The following LOXL2 variants were observed in gnomAD, a reference collection of about 807,000 sequenced individuals.
LOXL2 encodes the protein lysyl oxidase homolog 2.
LOXL2 carries 70 observed loss-of-function variants against 93.0 expected under a neutral mutation model. That is an observed-to-expected ratio of 0.75 (90% CI 0.62 to 0.92). LOXL2 has a LOEUF of 0.92. Among genes scored for constraint, LOXL2 ranks in the 40% least tolerant of loss-of-function variants. The pLI is 0.00. For synonymous variants in LOXL2, 438 were observed against 413.2 expected (o/e 1.06, Z -0.73); for missense variants, 973 against 1,054.9 (o/e 0.92, Z 1.08).
At chr8:23,379,359 T>C (rs1804640366) in intron 1 of LOXL2, among the ~76,000 whole-genome samples, 1 of 152,172 alleles carries the variant, frequency 6.6e-6, no homozygotes, top group Non-Finnish European at 1.5e-5. Flanking sequence ...GGGGGGTGCC[T>C]CCCAGTTAGG....
rs766716328 is a variant in LOXL2, at chr8:23,333,584, G to A, written c.783C>T (p.Phe261=). 1 of 1,613,802 alleles carries A rather than the reference G, an allele frequency of 6.2e-7. No individual in the cohort carries two copies. Among genetic ancestry groups the A allele is most frequent in the South Asian group, 1.1e-5 (1 of 91,084 alleles). ...ASRRKQRYWP[F]SMDCTGTEAH... ...CCTCTGTGCCGGTGCAGTCCATGGA[G>A]AATGGCCAGTAGCGCTGCTTCCTCC... Residue 261 remains phenylalanine, a synonymous_variant, in exon 5 of 14, where the codon TTC becomes TTT. Transcript: ENST00000389131.
At chr8:23,400,307 A>G (rs984913394) in intron 1 of LOXL2, among the ~76,000 whole-genome samples, 2 of 152,210 alleles carry the variant, frequency 1.3e-5, no homozygotes, top group Non-Finnish European at 2.9e-5. Flanking sequence ...GGGAGGCCTC[A>G]CAATCATGGC....
Position 23,320,001 on chromosome 8 carries a change from C to T in LOXL2, c.1354G>A (p.Val452Met), listed in dbSNP as rs1050426761. ...NPYEGRVEVL[V>M]ERNGSLVWGM... is the part of the protein sequence containing the mutation. ...CACACAAGGGACCCGTTTCTCTCCA[C>T]CAGCACCTCCACTCGGCCCTCGTAG... Residue 452 changes from valine (V) to methionine (M), a missense_variant, in exon 8 of 14, where the codon GTG becomes ATG. Transcript: ENST00000389131. 1 of 1,614,128 alleles carries T rather than the reference C, an allele frequency of 6.2e-7. No homozygotes were observed. Among genetic ancestry groups the T allele is most frequent in the African/African-American group, 1.3e-5 (1 of 75,058 alleles).
At chr8:23,300,686 T>C (rs1031623457) in intron 12 of LOXL2, among the ~76,000 whole-genome samples, 7 of 152,238 alleles carry the variant, frequency 4.6e-5, no homozygotes, top group Admixed American at 6.5e-5. Flanking sequence ...AGAGTTGATA[T>C]GTCTGGGGTT....
chr8:23,327,180 C>T (rs1392489586), intron 6 of LOXL2, among the ~76,000 whole-genome samples: 1 of 152,200 alleles, frequency 6.6e-6, no homozygotes, highest in Non-Finnish European at 1.5e-5. Flanking sequence ...CCACTGCAGG[C>T]TAGGGCATGG....
chr8:23,327,897 CT>C (rs1265499545), intron 6 of LOXL2, among the ~76,000 whole-genome samples: 1 of 152,300 alleles, frequency 6.6e-6, no homozygotes, highest in Non-Finnish European at 1.5e-5. Context: ...CGGAGGGCGG[CT>C]TCTTGTTCCC....
At chr8:23,324,788 G>C (rs1418773546) in intron 6 of LOXL2, among the ~76,000 whole-genome samples, 1 of 152,224 alleles carries the variant, frequency 6.6e-6, no homozygotes, top group African/African-American at 2.4e-5. Flanking sequence ...TGAGTGGGCT[G>C]AACTGTCAAC....
At chr8:23,392,062 C>G (rs1034824287) in intron 1 of LOXL2, among the ~76,000 whole-genome samples, 14 of 152,214 alleles carry the variant, frequency 9.2e-5, no homozygotes, top group African/African-American at 3.4e-4. Context: ...CAGAAGCTGC[C>G]AGGCCAAGCT....
chr8:23,383,281 G>T (rs1350122002), intron 1 of LOXL2, among the ~76,000 whole-genome samples: 1 of 152,064 alleles, frequency 6.6e-6, no homozygotes, highest in African/African-American at 2.4e-5. Context: ...GCTATATTAA[G>T]AGCCTCAATT....
At chr8:23,340,747 G>T (rs1056369351) in intron 4 of LOXL2, among the ~76,000 whole-genome samples, 1 of 152,182 alleles carries the variant, frequency 6.6e-6, no homozygotes, top group African/African-American at 2.4e-5. Flanking sequence ...CTTCCCACAA[G>T]CTACTCTAGG....
At chr8:23,401,281 C>G (rs1343094231) in intron 1 of LOXL2, among the ~76,000 whole-genome samples, 1 of 152,164 alleles carries the variant, frequency 6.6e-6, no homozygotes, top group Admixed American at 6.5e-5. Context: ...AGGAATGTAA[C>G]AAGTTACACA....
rs926936286 is a variant in LOXL2, at chr8:23,301,893, C to G, written c.2133+134G>C. On this transcript the variant is annotated intron_variant, in intron 12 of 13. Coordinates refer to ENST00000389131, the MANE Select transcript of LOXL2 (RefSeq NM_002318.3). ...GGGTTAACTGATGGACCGTGATGGC[C>G]TCTGGGGGTAGCACCTTGCCCTTTA... 9.1e-6 allele frequency: 10 copies of G among 1,101,014 alleles called. No individual in the cohort carries two copies. In the Admixed American group the frequency reaches 2.2e-4, roughly 24 times the overall value. 68.2% of individuals were successfully genotyped at this position (1,101,014 alleles called of 1,614,324 possible). A position where few individuals can be genotyped will look rare whatever the true frequency, so the allele number is the denominator to read the frequency against.
chr8:23,312,862 C>T (rs1331410585), intron 9 of LOXL2, among the ~76,000 whole-genome samples: 19 of 78,072 alleles, frequency 2.4e-4, no homozygotes, highest in African/African-American at 3.5e-4. Flanking sequence ...GTCAAATTGT[C>T]CCTGTTTGCA....
rs1197093065 is a variant in LOXL2, at chr8:23,317,124, C to T, written c.1471-10G>A. On this transcript the variant is annotated splice_polypyrimidine_tract_variant and intron_variant, in intron 8 of 13. Coordinates refer to ENST00000389131, the MANE Select transcript of LOXL2 (RefSeq NM_002318.3). Reference sequence around the variant, plus strand: ...GCCAATACCAGGTCTCCTGGAAGAACCAACAAAACAAATGGTGGGTACATC... The same window carrying T: ...GCCAATACCAGGTCTCCTGGAAGAATCAACAAAACAAATGGTGGGTACATC... The T allele has an allele frequency of 5.6e-6, 9 of 1,613,520 alleles. No homozygotes were observed. Among genetic ancestry groups the T allele is most frequent in the Non-Finnish European group, 7.6e-6 (9 of 1,179,820 alleles).
chr8:23,347,702 C>T (rs1379111835), intron 3 of LOXL2, among the ~76,000 whole-genome samples: 2 of 152,014 alleles, frequency 1.3e-5, no homozygotes, highest in Non-Finnish European at 2.9e-5. Flanking sequence ...GGTGTGGTGG[C>T]TCACATCTAT....
At chr8:23,403,375 C>G (rs565245523) in intron 1 of LOXL2, among the ~76,000 whole-genome samples, 1 of 152,292 alleles carries the variant, frequency 6.6e-6, no homozygotes, top group East Asian at 1.9e-4. Flanking sequence ...ACGGCGCTCC[C>G]GCGCTCCCAA....
At chr8:23,344,292 C>A (rs1182305590) in intron 3 of LOXL2, among the ~76,000 whole-genome samples, 1 of 152,132 alleles carries the variant, frequency 6.6e-6, no homozygotes, top group East Asian at 1.9e-4. Context: ...GGGCTAGCAC[C>A]GGGGGTCATT....
chr8:23,298,801 G>T, intron 13 of LOXL2, 35 bp downstream of exon 13: 3 of 1,380,074 alleles, frequency 2.2e-6, no homozygotes, highest in Non-Finnish European at 3.1e-6. Context: ...GGCAGCTCCC[G>T]CCTGCTTCCT....
chr8:23,339,138 T>C (rs559826086), intron 4 of LOXL2, among the ~76,000 whole-genome samples: 8 of 151,988 alleles, frequency 5.3e-5, no homozygotes, highest in African/African-American at 1.9e-4. Flanking sequence ...TTGGGACACA[T>C]GTAGGCCTAA....
Sources: gnomAD v4.1 joint callset for allele counts (sites outside exome capture counted in the v4.1 genomes callset) on GRCh38, gnomAD v4.1.1 for gene constraint, MANE v1.5 for transcripts, NCBI Gene and HGNC (gene_info 2026-07-23, HGNC 2026-07-21) for gene names.